Variants in MTHFD1L observed in about 807,000 individuals in gnomAD.
The protein encoded by MTHFD1L is methylenetetrahydrofolate dehydrogenase (NADP+ dependent) 1 like.
MTHFD1L carries 81 observed loss-of-function variants against 119.5 expected under a neutral mutation model. That is an observed-to-expected ratio of 0.68 (90% CI 0.57 to 0.82). The LOEUF is 0.82. MTHFD1L is among the 40% of genes least tolerant of loss of function. The pLI, the probability that MTHFD1L is intolerant of heterozygous loss-of-function variation, is 0.00. For missense variants in MTHFD1L, 1,125 were observed against 1,253.4 expected (o/e 0.90, Z 1.55); for synonymous variants, 430 against 475.2 (o/e 0.90, Z 1.24).
At chr6:150,877,719 CT>C (rs1283522347) in intron 3 of MTHFD1L, 35 bp downstream of exon 3, 1 of 1,614,130 alleles carries the variant, frequency 6.2e-7, no homozygotes, top group Non-Finnish European at 8.5e-7. Flanking sequence ...TTCACTATAA[CT>C]TTTAACAATA....
chr6:150,918,404 T>C (rs1375665063), intron 8 of MTHFD1L, among the ~76,000 whole-genome samples, 173 bp from the exon 9 acceptor site: 2 of 152,186 alleles, frequency 1.3e-5, no homozygotes, highest in Non-Finnish European at 2.9e-5. Flanking sequence ...GCAGGCCCAA[T>C]GGAGGGCCCC....
intron 26 of MTHFD1L, among the ~76,000 whole-genome samples, chr6:151,087,025 G>T (rs981950565): frequency 6.6e-6 from 1 of 152,100 alleles, no homozygotes; most frequent in Non-Finnish European, 1.5e-5. Context: ...CGAGGCAGAC[G>T]AATCATTTGA....
At chr6:151,085,794 C>G (rs1176968351) in intron 26 of MTHFD1L, among the ~76,000 whole-genome samples, 1 of 151,994 alleles carries the variant, frequency 6.6e-6, no homozygotes, top group Non-Finnish European at 1.5e-5. Flanking sequence ...ATGACTTTGA[C>G]CTGAATGTCC....
chr6:150,935,351 G>C (rs1259974238), intron 11 of MTHFD1L: 15 of 1,613,502 alleles, frequency 9.3e-6, no homozygotes, highest in Non-Finnish European at 1.3e-5. Flanking sequence ...AGGAGTCCCT[G>C]TACTTATAGT....
At chr6:150,986,413 C>A (rs568515563) in intron 20 of MTHFD1L, among the ~76,000 whole-genome samples, 16 of 152,332 alleles carry the variant, frequency 1.1e-4, no homozygotes, top group African/African-American at 3.6e-4. Context: ...TATGTATGTG[C>A]TGTGTTCTAA....
In MTHFD1L at chr6:150,967,904, T is replaced by C. The variant is rs143958448; in HGVS notation, c.2013+2867T>C. ...CTGTTGCCTTCCTACTTAGAGTTCT[T>C]CCATGATTTACCCATGTTTCCACCC... On this transcript the variant is annotated intron_variant, in intron 19 of 27. Coordinates refer to ENST00000367321, the MANE Select transcript of MTHFD1L (RefSeq NM_015440.5). Among the ~76,000 whole-genome samples, 1,062 of 152,296 alleles carry C rather than the reference T, an allele frequency of 7.0e-3. 8 individuals are homozygous for C. The highest frequency in any genetic ancestry group is 0.01 in the Middle Eastern group (3 of 294).
At chr6:150,898,791 C>T (rs763280008) in intron 7 of MTHFD1L, 98 of 363,692 alleles carry the variant, frequency 2.7e-4, no homozygotes, top group African/African-American at 1.7e-3. Flanking sequence ...CTTAGCCCCA[C>T]GTTTGAATTT....
At chr6:150,894,137 A>G (rs766203317) in intron 7 of MTHFD1L, among the ~76,000 whole-genome samples, 1 of 152,142 alleles carries the variant, frequency 6.6e-6, no homozygotes, top group Non-Finnish European at 1.5e-5. Context: ...TTGGAGGCTG[A>G]GGTGGGATGA....
intron 11 of MTHFD1L, among the ~76,000 whole-genome samples, chr6:150,931,517 A>G (rs993122132): frequency 6.6e-6 from 1 of 152,190 alleles, no homozygotes; most frequent in African/African-American, 2.4e-5. Context: ...ACCTAAGTCA[A>G]GTGTAATGAG....
intron 27 of MTHFD1L, among the ~76,000 whole-genome samples, chr6:151,092,896 C>T (rs907084193): frequency 6.6e-6 from 1 of 152,150 alleles, no homozygotes; most frequent in African/African-American, 2.4e-5. Context: ...ACTCTGTAAA[C>T]TCATTGTTCT....
chr6:150,911,694 C>T (rs960983162), intron 8 of MTHFD1L, among the ~76,000 whole-genome samples: 2 of 152,068 alleles, frequency 1.3e-5, no homozygotes, highest in African/African-American at 2.4e-5. Flanking sequence ...AAGACATACA[C>T]GAGACGGGGA....
intron 26 of MTHFD1L, among the ~76,000 whole-genome samples, chr6:151,045,602 T>A (rs1787880722): frequency 6.6e-6 from 1 of 152,224 alleles, no homozygotes; most frequent in Non-Finnish European, 1.5e-5. Context: ...CCGGTGAGCT[T>A]GCCCTCCCCA....
At chr6:151,041,825 G>A (rs754829368) in intron 26 of MTHFD1L, 1 of 532,644 alleles carries the variant, frequency 1.9e-6, no homozygotes, top group Non-Finnish European at 3.9e-6. Context: ...CCCAACCCAA[G>A]CAAGTCCATC....
At chr6:151,018,871 G>A (rs1783526694) in intron 24 of MTHFD1L, among the ~76,000 whole-genome samples, 1 of 152,228 alleles carries the variant, frequency 6.6e-6, no homozygotes, top group Non-Finnish European at 1.5e-5. Context: ...TCATTTTTAT[G>A]AGGCCATTTT....
intron 26 of MTHFD1L, among the ~76,000 whole-genome samples, chr6:151,084,230 C>T (rs1053636064): frequency 6.6e-6 from 1 of 152,156 alleles, no homozygotes; most frequent in Non-Finnish European, 1.5e-5. Context: ...CCAAAGAAGA[C>T]ATTCTGTCTT....
At chr6:150,933,443 T>C (rs1271554432) in intron 11 of MTHFD1L, among the ~76,000 whole-genome samples, 1 of 152,058 alleles carries the variant, frequency 6.6e-6, no homozygotes, top group East Asian at 1.9e-4. Context: ...GAAAGTTGAC[T>C]CCAAGCAGAA....
At chr6:150,878,992 A>G (rs898208116) in intron 4 of MTHFD1L, among the ~76,000 whole-genome samples, 1 of 152,164 alleles carries the variant, frequency 6.6e-6, no homozygotes, top group Non-Finnish European at 1.5e-5. Context: ...ACAGTTCTAC[A>G]TCCATCCCGT....
chr6:150,872,852 A>C (rs1051222344), intron 1 of MTHFD1L, among the ~76,000 whole-genome samples: 1 of 148,080 alleles, frequency 6.8e-6, no homozygotes, highest in Non-Finnish European at 1.5e-5. Context: ...GGTAGAGACC[A>C]GGTCTTGCTA....
chr6:151,056,941 T>A (rs1418458253), intron 26 of MTHFD1L, among the ~76,000 whole-genome samples: 1 of 152,208 alleles, frequency 6.6e-6, no homozygotes, highest in African/African-American at 2.4e-5. Flanking sequence ...TGACAATAAA[T>A]GTTGGGGTTC....
Sources: gnomAD v4.1 joint callset for allele counts (sites outside exome capture counted in the v4.1 genomes callset) on GRCh38, gnomAD v4.1.1 for gene constraint, MANE v1.5 for transcripts, NCBI Gene and HGNC (gene_info 2026-07-23, HGNC 2026-07-21) for gene names.